Variants in ZNF254 observed in about 807,000 individuals in gnomAD.
ZNF254 encodes CTD-2017D11.1.
A neutral mutation model predicts 12.4 loss-of-function variants in ZNF254; 10 were observed. The ratio of observed to expected loss-of-function variants is 0.80; its 90% CI spans 0.50 to 1.36. The LOEUF (loss-of-function observed/expected upper bound fraction) is 1.36, where lower values mean the gene tolerates loss of function less well. ZNF254 is among the 40% of genes most tolerant of loss of function. The pLI, the probability that ZNF254 is intolerant of heterozygous loss-of-function variation, is 0.00. For missense variants in ZNF254, 996 were observed against 763.9 expected (o/e 1.30, Z -3.58); for synonymous variants, 305 against 253.4 (o/e 1.20, Z -1.93).
At chr19:24,117,137 G>A (rs930216633) in intron 3 of ZNF254, among the ~76,000 whole-genome samples, 10 of 152,164 alleles carry the variant, frequency 6.6e-5, no homozygotes, top group African/African-American at 1.7e-4. Flanking sequence ...GCTGCTCATG[G>A]TTCAGGGGTC....
Position 24,127,955 on chromosome 19 carries a change from A to G in ZNF254, c.1955A>G (p.His652Arg), listed in dbSNP as rs1427531647. 3 of 1,562,716 alleles carry G rather than the reference A, an allele frequency of 1.9e-6. No homozygotes were observed. In the East Asian group the frequency reaches 6.7e-5, roughly 35 times the overall value. Residue 652 changes from histidine to arginine, a missense_variant, in exon 4 of 4, where the codon CAT (histidine) becomes CGT (arginine). Coordinates refer to ENST00000357002, the MANE Select transcript of ZNF254 (RefSeq NM_203282.4). ...SSHLTTDKIT[H>R]WREILQV ...CACCTCACCACAGATAAGATAACTC[A>G]TTGGAGAGAAATCTTACAAGTATGA...
chr19:24,055,454 C>T (rs1301271759), intron 2 of ZNF254, among the ~76,000 whole-genome samples: 4 of 151,644 alleles, frequency 2.6e-5, no homozygotes, highest in African/African-American at 9.7e-5. Flanking sequence ...AATTTTTGTA[C>T]TTTTAGTAGA....
At chr19:24,117,847 A>G (rs1404683613) in intron 3 of ZNF254, among the ~76,000 whole-genome samples, 1 of 150,258 alleles carries the variant, frequency 6.7e-6, no homozygotes. Context: ...GCTGCTCAAG[A>G]TTTTTTTTTT....
At chr19:24,072,447 C>T (rs1568439181) in intron 2 of ZNF254, among the ~76,000 whole-genome samples, 1 of 152,178 alleles carries the variant, frequency 6.6e-6, no homozygotes. Flanking sequence ...GCTGATATTA[C>T]AGGTGTGAGC....
In ZNF254 at chr19:24,106,066, G is replaced by T. The variant is rs1215529284; in HGVS notation, c.157G>T (p.Gly53Cys). The change falls in exon 2 of 4, where the codon GGT becomes TGT. Residue 53 changes from glycine to cysteine, a missense_variant and splice_region_variant. By Grantham distance (159) the Gly-to-Cys change is radical. Coordinates refer to ENST00000357002, the MANE Select transcript of ZNF254 (RefSeq NM_203282.4). ...GAACTACAGAAACCTGGCCTTCCTG[G>T]GTGAGGATAACTTTAATACAAAATT... ...LENYRNLAFL[G>C]IAVSKPDLIT... 6.3e-7 allele frequency: 1 copy of T among 1,585,088 alleles called. No individual in the cohort carries two copies. Among genetic ancestry groups the T allele is most frequent in the Non-Finnish European group, 8.6e-7 (1 of 1,164,850 alleles).
intron 1 of ZNF254, chr19:24,105,712 C>A: frequency 2.0e-6 from 1 of 488,244 alleles, no homozygotes; most frequent in Non-Finnish European, 3.2e-6. Context: ...TGTTATCTTC[C>A]AGACAAGTAT....
At position 24,126,456 on chromosome 19, in the gene ZNF254, A is replaced by G. The variant is rs767343758; in HGVS notation, c.456A>G (p.Lys152=). The G allele has an allele frequency of 6.3e-7, 1 of 1,595,278 alleles. No homozygotes were observed. Among genetic ancestry groups the G allele is most frequent in the Non-Finnish European group, 8.5e-7 (1 of 1,174,174 alleles). Residue 152 remains lysine (K), a synonymous_variant, in exon 4 of 4, where the codon AAA becomes AAG. Transcript: ENST00000357002. Reference sequence around the variant, plus strand: ...AGTGTTTCACAACTGCCCAGAGCAAAGTATTTCAATGTGATAAATATTTGA... The same window carrying G: ...AGTGTTTCACAACTGCCCAGAGCAAGGTATTTCAATGTGATAAATATTTGA... ...LNQCFTTAQS[K]VFQCDKYLKV... is the part of the protein sequence containing the mutation.
At chr19:24,067,898 C>T (rs1971336174) in intron 2 of ZNF254, among the ~76,000 whole-genome samples, 1 of 152,176 alleles carries the variant, frequency 6.6e-6, no homozygotes, top group Non-Finnish European at 1.5e-5. Context: ...ACTTTTTATT[C>T]ATCACCTAGG....
chr19:24,126,789 G>A lies in ZNF254; in HGVS notation c.789G>A (p.Glu263=). 1 of 1,613,262 alleles carries A rather than the reference G, an allele frequency of 6.2e-7. No individual in the cohort carries two copies. The highest frequency in any genetic ancestry group is 8.5e-7 in the Non-Finnish European group (1 of 1,179,714). The change falls in exon 4 of 4, where the codon GAG becomes GAA. Residue 263 remains glutamate (E), a synonymous_variant. Coordinates refer to ENST00000357002, the MANE Select transcript of ZNF254 (RefSeq NM_203282.4). ...CACATGAAATAATTCATGCTGGAGA[G>A]AAACTCTACAAATGTGAAGAATGTG... ...LTTHEIIHAG[E]KLYKCEECGE...
chr19:24,053,353 A>C (rs1970719433), intron 2 of ZNF254, among the ~76,000 whole-genome samples: 1 of 152,190 alleles, frequency 6.6e-6, no homozygotes, highest in South Asian at 2.1e-4. Flanking sequence ...AAATGTGTGA[A>C]ATTGTTAATC....
intron 3 of ZNF254, among the ~76,000 whole-genome samples, chr19:24,119,343 G>T (rs930589877): frequency 2.0e-5 from 3 of 151,688 alleles, no homozygotes; most frequent in African/African-American, 4.8e-5. Context: ...AGGTGTGTGC[G>T]ACCATGCCTG....
intron 1 of ZNF254, among the ~76,000 whole-genome samples, chr19:24,095,941 A>G (rs1599696478): frequency 6.6e-6 from 1 of 151,818 alleles, no homozygotes; most frequent in East Asian, 1.9e-4. Flanking sequence ...TATTGATTAT[A>G]TCAGGTTGTA....
At chr19:24,054,395 A>G (rs575491057) in intron 2 of ZNF254, among the ~76,000 whole-genome samples, 137 of 152,338 alleles carry the variant, frequency 9.0e-4, no homozygotes, top group Non-Finnish European at 1.5e-3. Flanking sequence ...CTAGTCAGCT[A>G]TTGGAAGAAA....
intron 3 of ZNF254, among the ~76,000 whole-genome samples, chr19:24,108,772 T>C (rs367876534): frequency 3.3e-5 from 5 of 152,362 alleles, no homozygotes; most frequent in African/African-American, 1.2e-4. Context: ...AATTTGTCTG[T>C]AATTTTAGAT....
At position 24,106,648 on chromosome 19, in the gene ZNF254, G is replaced by A. The variant is rs1467865341; in HGVS notation, c.253+5G>A. 1.9e-6 allele frequency: 3 copies of A among 1,577,784 alleles called. No individual in the cohort carries two copies. Among genetic ancestry groups the A allele is most frequent in the Non-Finnish European group, 2.6e-6 (3 of 1,159,256 alleles). ...AGATGGTGGATGAACCCCCAGGTAG[G>A]TGAGAGTGAATACAACAGATGACAT... is the stretch of plus-strand genomic sequence containing the variant. On this transcript the variant is annotated splice_donor_5th_base_variant and intron_variant, in intron 3 of 3. Coordinates refer to ENST00000357002, the MANE Select transcript of ZNF254 (RefSeq NM_203282.4).
intron 2 of ZNF254, among the ~76,000 whole-genome samples, chr19:24,058,461 A>T (rs1405274329): frequency 2.1e-5 from 3 of 144,300 alleles, no homozygotes; most frequent in African/African-American, 7.8e-5. Context: ...CCCAGGCTGG[A>T]GTGTAATGGT....
At position 24,091,897 on chromosome 19, in the gene ZNF254, T is replaced by C. The variant is rs536682841; in HGVS notation, c.30+4560T>C. The C allele has an allele frequency of 6.6e-4, 529 of 801,822 alleles. 2 individuals carry two copies. The African/African-American group carries it at 0.01, about 16-fold the overall frequency. The allele number at this position is 801,822 out of a possible 1,614,324, so 49.7% of individuals were successfully genotyped here. ...ATGTGATTAATTTTTTTTTTTTTTT[T>C]GAGATGGAGTCTCGCTCTGTTGGCC... is the stretch of plus-strand genomic sequence containing the variant. On this transcript the variant is annotated intron_variant, in intron 1 of 3. Transcript: ENST00000357002.
intron 2 of ZNF254, among the ~76,000 whole-genome samples, chr19:24,059,787 T>C (rs1971000951): frequency 6.6e-6 from 1 of 152,212 alleles, no homozygotes; most frequent in Admixed American, 6.5e-5. Flanking sequence ...GACATATCCC[T>C]GGCCCTAGCA....
chr19:24,073,192 A>G (rs1971541647), intron 2 of ZNF254, among the ~76,000 whole-genome samples: 4 of 152,174 alleles, frequency 2.6e-5, no homozygotes, highest in Admixed American at 2.6e-4. Flanking sequence ...TAGCATTGTC[A>G]CCCTGACCCA....
Sources: allele counts gnomAD v4.1 joint callset (sites outside exome capture counted in the v4.1 genomes callset), GRCh38; gene constraint gnomAD v4.1.1; transcripts MANE v1.5; gene names NCBI Gene and HGNC (gene_info 2026-07-23, HGNC 2026-07-21).